Variants in ZMAT5 observed in about 807,000 individuals in gnomAD.
The protein encoded by ZMAT5 is zinc finger matrin-type protein 5.
A neutral mutation model predicts 28.0 loss-of-function variants in ZMAT5; 23 were observed. The ratio of observed to expected loss-of-function variants is 0.82; its 90% CI spans 0.59 to 1.16. The LOEUF (loss-of-function observed/expected upper bound fraction) is 1.16. ZMAT5 is among the 50% of genes most tolerant of loss of function. The pLI is 0.00. For synonymous variants in ZMAT5, 76 were observed against 84.1 expected (o/e 0.90, Z 0.52); for missense variants, 173 against 212.7 (o/e 0.81, Z 1.16).
At chr22:29,746,015 G>A (rs6006237) in intron 2 of ZMAT5, among the ~76,000 whole-genome samples, 2,254 of 152,130 alleles carry the variant, frequency 0.015, 47 homozygotes, top group African/African-American at 0.049. Context: ...CTCTGTTGCC[G>A]AGGCTGGAGT....
intron 1 of ZMAT5, among the ~76,000 whole-genome samples, chr22:29,761,269 CAAAAAA>C (rs131283): frequency 4.5e-4 from 27 of 59,528 alleles, no homozygotes; most frequent in African/African-American, 1.5e-3. Context: ...AACTCCGTCT[CAAAAAA>C]AAAAAAAAAA....
chr22:29,753,308 T>C (rs1473509202), intron 1 of ZMAT5, among the ~76,000 whole-genome samples: 1 of 152,134 alleles, frequency 6.6e-6, no homozygotes, highest in Admixed American at 6.5e-5. Context: ...GGGTGGATAG[T>C]GAGGTCAGGA....
intron 3 of ZMAT5, among the ~76,000 whole-genome samples, chr22:29,741,968 C>T (rs914914729): frequency 7.9e-5 from 12 of 152,090 alleles, no homozygotes; most frequent in African/African-American, 2.9e-4. Context: ...ATCTCTCTGA[C>T]CTATATGCAT....
chr22:29,745,246 G>C (rs527655875), intron 2 of ZMAT5, among the ~76,000 whole-genome samples: 4 of 152,328 alleles, frequency 2.6e-5, no homozygotes, highest in Non-Finnish European at 5.9e-5. Context: ...TGAGTTCTGA[G>C]GTGGTGGGGG....
In ZMAT5 at chr22:29,748,435, C is replaced by T. The variant is rs2068028454; in HGVS notation, c.110G>A (p.Trp37Ter). 6.2e-7 allele frequency: 1 copy of T among 1,614,124 alleles called. No individual in the cohort carries two copies. Among genetic ancestry groups the T allele is most frequent in the Non-Finnish European group, 8.5e-7 (1 of 1,180,056 alleles). Reference sequence around the variant, plus strand: ...GCACCCACCTCGGAACATGTCGTACCAGACCTTCTTGGCCTTGAGGTGCTG... The same window carrying T: ...GCACCCACCTCGGAACATGTCGTACTAGACCTTCTTGGCCTTGAGGTGCTG... ...GLQHLKAKKV[W>*]YDMFRDAAAI... is the part of the protein sequence containing the mutation. Residue 37 changes from tryptophan to a stop codon, truncating the protein, a stop_gained, in exon 2 of 6, where the codon TGG becomes TAG. Transcript: ENST00000344318. LOFTEE classifies it high-confidence loss of function.
chr22:29,762,313 T>G (rs1373823000), intron 1 of ZMAT5, among the ~76,000 whole-genome samples: 1 of 152,230 alleles, frequency 6.6e-6, no homozygotes, highest in Non-Finnish European at 1.5e-5. Flanking sequence ...AATTTCTAAG[T>G]TGAAATACAT....
At chr22:29,754,690 G>A (rs2068083792) in intron 1 of ZMAT5, among the ~76,000 whole-genome samples, 1 of 151,944 alleles carries the variant, frequency 6.6e-6, no homozygotes, top group South Asian at 2.1e-4. Flanking sequence ...GGACAACATG[G>A]GCAGACCCCA....
At chr22:29,749,372 C>A (rs564328034) in intron 1 of ZMAT5, among the ~76,000 whole-genome samples, 1 of 152,136 alleles carries the variant, frequency 6.6e-6, no homozygotes, top group Non-Finnish European at 1.5e-5. Context: ...CGCCCCATCC[C>A]CTACCATACC....
chr22:29,733,530 G>C (rs2067873976), intron 5 of ZMAT5, among the ~76,000 whole-genome samples: 1 of 152,228 alleles, frequency 6.6e-6, no homozygotes, highest in South Asian at 2.1e-4. Context: ...CTGCCTGCTA[G>C]AAAGTGCAGA....
At chr22:29,732,144 C>G (rs1354960693) in intron 5 of ZMAT5, among the ~76,000 whole-genome samples, 1 of 152,258 alleles carries the variant, frequency 6.6e-6, no homozygotes, top group Non-Finnish European at 1.5e-5. Flanking sequence ...GTCCCATACT[C>G]AGATCCTTCT....
At chr22:29,749,288 G>A (rs899609910) in intron 1 of ZMAT5, among the ~76,000 whole-genome samples, 1 of 151,932 alleles carries the variant, frequency 6.6e-6, no homozygotes, top group African/African-American at 2.4e-5. Flanking sequence ...CTATGTTGCA[G>A]AGGCTGGTCT....
chr22:29,755,142 A>G (rs1160522148), intron 1 of ZMAT5, among the ~76,000 whole-genome samples: 4 of 151,878 alleles, frequency 2.6e-5, no homozygotes, highest in East Asian at 1.9e-4. Context: ...CTAAAAATAC[A>G]AAATTAGCCA....
rs1601718723 is a variant in ZMAT5 at position 29,740,817 on chromosome 22, T to A, written c.191-87A>T. The A allele has an allele frequency of 3.2e-6, 4 of 1,257,184 alleles. No homozygotes were observed. In the East Asian group the frequency reaches 1.0e-4, roughly 32 times the overall value. The allele number at this position is 1,257,184 out of a possible 1,614,324, so 77.9% of individuals were successfully genotyped here. A position where few individuals can be genotyped will look rare whatever the true frequency, so the allele number is the denominator to read the frequency against. Reference sequence around the variant, plus strand: ...TGCCCAGATGAGGGATCCCAGAATCTTAGGGGCAGGACTTCAGGGCCTAAA... The same window carrying A: ...TGCCCAGATGAGGGATCCCAGAATCATAGGGGCAGGACTTCAGGGCCTAAA... On this transcript the variant is annotated intron_variant, in intron 3 of 5. Transcript: ENST00000344318.
At chr22:29,761,269 C>CAAAAAA (rs131283) in intron 1 of ZMAT5, among the ~76,000 whole-genome samples, 10 of 59,528 alleles carry the variant, frequency 1.7e-4, no homozygotes, top group Admixed American at 2.4e-4. Context: ...AACTCCGTCT[C>CAAAAAA]AAAAAAAAAA....
chr22:29,743,105 T>C (rs529016126), intron 2 of ZMAT5, among the ~76,000 whole-genome samples: 38 of 152,228 alleles, frequency 2.5e-4, no homozygotes, highest in Admixed American at 2.0e-3. Context: ...GGAGGTATAA[T>C]ACTTTAAAAA....
chr22:29,732,562 C>T (rs531366570), intron 5 of ZMAT5, among the ~76,000 whole-genome samples: 5 of 151,908 alleles, frequency 3.3e-5, no homozygotes, highest in African/African-American at 1.2e-4. Context: ...ATGGTGAAAC[C>T]CCGTCTCTAC....
At chr22:29,748,275 GGGCCCAGTGGCTCA>G in intron 2 of ZMAT5, 129 bp downstream of exon 2, 1 of 1,195,910 alleles carries the variant, frequency 8.4e-7, no homozygotes, top group East Asian at 2.5e-5. Flanking sequence ...GCTCCTCTGA[GGGCCCAGTGGCTCA>G]GGCCTCCCTC....
intron 5 of ZMAT5, among the ~76,000 whole-genome samples, chr22:29,735,232 C>G (rs886370190): frequency 3.9e-5 from 6 of 152,186 alleles, no homozygotes; most frequent in African/African-American, 1.4e-4. Flanking sequence ...GCAGCAATGG[C>G]AAAAGCAGGA....
intron 2 of ZMAT5, 121 bp from the exon 3 acceptor site, chr22:29,742,601 T>C (rs1038233120): frequency 1.3e-5 from 12 of 925,336 alleles, no homozygotes; most frequent in Non-Finnish European, 1.7e-5. Flanking sequence ...AAAGAAGAGT[T>C]TCCTGTTCCA....
Sources: gnomAD v4.1 joint callset for allele counts (sites outside exome capture counted in the v4.1 genomes callset) on GRCh38, gnomAD v4.1.1 for gene constraint, MANE v1.5 for transcripts, NCBI Gene and HGNC (gene_info 2026-07-23, HGNC 2026-07-21) for gene names.